RABGAP1: variants seen among roughly 807,000 people sequenced by gnomAD.
RABGAP1 encodes the protein RAB GTPase activating protein 1, also known as rab GTPase-activating protein 1.
A neutral mutation model predicts 137.6 loss-of-function variants in RABGAP1; 23 were observed. That is an observed-to-expected ratio of 0.17 (90% confidence interval 0.12 to 0.24). The LOEUF is 0.24. RABGAP1 is among the 10% of genes least tolerant of loss of function. RABGAP1 has a pLI of 1.00. For missense variants in RABGAP1, 906 were observed against 1,275.8 expected (o/e 0.71, Z 4.42); for synonymous variants, 451 against 450.7 (o/e 1.00, Z -0.01).
At chr9:122,977,003 G>A (rs1348238807) in intron 2 of RABGAP1, among the ~76,000 whole-genome samples, 2 of 152,184 alleles carry the variant, frequency 1.3e-5, no homozygotes, top group Non-Finnish European at 2.9e-5. Flanking sequence ...TGAGTAGTTT[G>A]CTGTGACTAA....
At chr9:123,025,815 T>C (rs2031927226) in intron 13 of RABGAP1, among the ~76,000 whole-genome samples, 1 of 152,094 alleles carries the variant, frequency 6.6e-6, no homozygotes. Context: ...TGTAATAATA[T>C]CAGCAGTAAA....
chr9:122,961,138 T>C (rs1385078752), intron 2 of RABGAP1, among the ~76,000 whole-genome samples: 1 of 152,086 alleles, frequency 6.6e-6, no homozygotes, highest in Non-Finnish European at 1.5e-5. Context: ...CATCCCAAAT[T>C]TATTTAAAAA....
intron 9 of RABGAP1, among the ~76,000 whole-genome samples, chr9:122,997,593 TCTATTTATATG>T (rs2131819611): frequency 6.7e-6 from 1 of 150,342 alleles, no homozygotes; most frequent in East Asian, 1.9e-4. Context: ...TTTCTTTCTT[TCTATTTATATG>T]CTTATTTACT....
At chr9:123,095,162 G>A (rs2035142059) in intron 21 of RABGAP1, among the ~76,000 whole-genome samples, 13 of 149,972 alleles carry the variant, frequency 8.7e-5, no homozygotes, top group Admixed American at 8.6e-4. Context: ...GGGAGGCAGG[G>A]GCTGCAGTGA....
intron 3 of RABGAP1, among the ~76,000 whole-genome samples, chr9:122,984,938 C>T (rs1275877625): frequency 6.6e-6 from 1 of 151,014 alleles, no homozygotes; most frequent in East Asian, 1.9e-4. Flanking sequence ...TTCACTTGTA[C>T]CAAGGAAAGA....
At chr9:123,073,456 T>A (rs1243954486) in intron 15 of RABGAP1, 96 bp from the exon 16 acceptor site, 7 of 1,461,740 alleles carry the variant, frequency 4.8e-6, no homozygotes, top group Non-Finnish European at 2.8e-6. Flanking sequence ...AAGGCAATAA[T>A]ATAAAGCTGG....
rs115189923 is a variant in RABGAP1 at position 123,028,736 on chromosome 9, A to G, written c.1794+8277A>G. Among the ~76,000 whole-genome samples, 1,171 of 152,334 alleles carry G rather than the reference A, an allele frequency of 7.7e-3. 13 individuals carry two copies. The highest frequency in any genetic ancestry group is 0.027 in the African/African-American group (1,108 of 41,570). On this transcript the variant is annotated intron_variant, in intron 13 of 25. Coordinates refer to ENST00000373647, the MANE Select transcript of RABGAP1 (RefSeq NM_012197.4). ...GGCAGGTTATATATTCCGGTTTATAAGGCAGTATGCAAAGTGGTTTCCATC... is the reference window on the plus strand; with the variant it reads ...GGCAGGTTATATATTCCGGTTTATAGGGCAGTATGCAAAGTGGTTTCCATC...
chr9:123,072,966 T>C (rs1045405648), intron 15 of RABGAP1, among the ~76,000 whole-genome samples: 3 of 152,230 alleles, frequency 2.0e-5, no homozygotes, highest in Admixed American at 1.3e-4. Flanking sequence ...GTAGGTATTA[T>C]TATAAATGTA....
intron 2 of RABGAP1, among the ~76,000 whole-genome samples, chr9:122,968,312 T>TA (rs1835283805): frequency 6.6e-6 from 1 of 151,258 alleles, no homozygotes; most frequent in African/African-American, 2.4e-5. Context: ...AACCTCCACT[T>TA]ACTGATTTCA....
chr9:122,997,089 G>A (rs1837061601), intron 8 of RABGAP1, 170 bp from the exon 9 acceptor site: 2 of 594,668 alleles, frequency 3.4e-6, no homozygotes, highest in Non-Finnish European at 3.0e-6. Context: ...CAGGACAGTT[G>A]CATAAATAAT....
intron 2 of RABGAP1, among the ~76,000 whole-genome samples, chr9:122,963,965 G>T (rs1834990569): frequency 6.6e-6 from 1 of 152,138 alleles, no homozygotes; most frequent in Non-Finnish European, 1.5e-5. Context: ...CTAGAGTTGT[G>T]TGCCCATAAA....
chr9:123,073,717 C>A (rs369104843), intron 16 of RABGAP1, 40 bp downstream of exon 16: 31 of 1,612,338 alleles, frequency 1.9e-5, no homozygotes, highest in Non-Finnish European at 2.5e-5. Context: ...AAAAAGAGTA[C>A]AGGACTAAGG....
In RABGAP1 at chr9:123,097,791, G is replaced by C; in HGVS notation, c.2679G>C (p.Gln893His). Residue 893 changes from glutamine to histidine, a missense_variant, in exon 22 of 26, where the codon CAG becomes CAC. Physicochemically the swap from Gln to His is conservative, Grantham distance 24. Coordinates refer to ENST00000373647, the MANE Select transcript of RABGAP1 (RefSeq NM_012197.4). ...ALNKELLMTKQKLIDAEEEKR... is the reference protein window; with the variant it reads ...ALNKELLMTKHKLIDAEEEKR... ...ATAAGGAGCTGCTGATGACCAAACA[G>C]AAGTTGATTGATGCAGAAGAAGAGA... 6.2e-7 allele frequency: 1 copy of C among 1,614,058 alleles called. No homozygotes were observed.
At chr9:123,043,188 T>G (rs1450041331) in intron 13 of RABGAP1, among the ~76,000 whole-genome samples, 1 of 152,060 alleles carries the variant, frequency 6.6e-6, no homozygotes, top group Non-Finnish European at 1.5e-5. Flanking sequence ...TTCTCCAGAA[T>G]GAGGGAGGAA....
At chr9:123,099,425 T>C in intron 23 of RABGAP1, 53 bp from the exon 24 acceptor site, 2 of 1,490,056 alleles carry the variant, frequency 1.3e-6, no homozygotes, top group Non-Finnish European at 1.9e-6. Context: ...ATGGAATTTA[T>C]GCAGATGATT....
At chr9:123,043,584 C>A (rs2033056196) in intron 13 of RABGAP1, among the ~76,000 whole-genome samples, 1 of 141,062 alleles carries the variant, frequency 7.1e-6, no homozygotes, top group African/African-American at 2.8e-5. Flanking sequence ...GGTGTTTAGC[C>A]AAAAATGATA....
chr9:123,035,116 T>G (rs759970864), intron 13 of RABGAP1: 3 of 1,613,656 alleles, frequency 1.9e-6, no homozygotes, highest in Non-Finnish European at 2.5e-6. Flanking sequence ...GTGTGCGGAG[T>G]CCTGGCACAC....
At chr9:122,955,204 AAGTT>A (rs1197075129) in intron 1 of RABGAP1, among the ~76,000 whole-genome samples, 3 of 152,344 alleles carry the variant, frequency 2.0e-5, no homozygotes, top group East Asian at 1.9e-4. Context: ...GCAAAGGTCT[AAGTT>A]AGTCCTTCTC....
chr9:123,011,928 C>T (rs2030844405), intron 11 of RABGAP1, among the ~76,000 whole-genome samples: 1 of 152,162 alleles, frequency 6.6e-6, no homozygotes, highest in Non-Finnish European at 1.5e-5. Flanking sequence ...TGCACTCCAG[C>T]CTGGGCAACA....
Sources: allele counts gnomAD v4.1 joint callset (sites outside exome capture counted in the v4.1 genomes callset), GRCh38; gene constraint gnomAD v4.1.1; transcripts MANE v1.5; gene names NCBI Gene and HGNC (gene_info 2026-07-23, HGNC 2026-07-21).